The following PTPRE variants were observed in gnomAD, a reference collection of about 807,000 sequenced individuals.
The protein encoded by PTPRE is protein tyrosine phosphatase receptor type E.
A neutral mutation model predicts 102.0 loss-of-function variants in PTPRE; 51 were observed. That is an observed-to-expected ratio of 0.50 (90% CI 0.40 to 0.63). PTPRE has a LOEUF of 0.63. Ranked by LOEUF, PTPRE falls within the 30% of genes least tolerant of loss-of-function variation. The pLI, the probability that PTPRE is intolerant of heterozygous loss-of-function variation, is 0.00. For missense variants in PTPRE, 752 were observed against 915.1 expected (o/e 0.82, Z 2.30); for synonymous variants, 345 against 348.2 (o/e 0.99, Z 0.10).
chr10:127,987,435 T>C, intron 2 of PTPRE: 1 of 988,976 alleles, frequency 1.0e-6, no homozygotes, highest in African/African-American at 1.7e-5. Flanking sequence ...GTCTCTTTGG[T>C]TTTGTGTCAT....
intron 3 of PTPRE, among the ~76,000 whole-genome samples, chr10:128,045,252 C>A (rs1259435582): frequency 6.6e-6 from 1 of 152,248 alleles, no homozygotes; most frequent in Non-Finnish European, 1.5e-5. Flanking sequence ...TCAGCCCCGT[C>A]TTCTATGGAA....
At chr10:127,917,819 C>T (rs35555970) in intron 1 of PTPRE, among the ~76,000 whole-genome samples, 9,558 of 152,160 alleles carry the variant, frequency 0.063, 391 homozygotes, top group Non-Finnish European at 0.085. Flanking sequence ...CACATGAGGT[C>T]AGGAGTTCAC....
At chr10:127,979,298 G>A (rs1851429256) in intron 1 of PTPRE, among the ~76,000 whole-genome samples, 1 of 152,132 alleles carries the variant, frequency 6.6e-6, no homozygotes. Context: ...CCAACCCCCA[G>A]CTTTTAAATG....
intron 16 of PTPRE, 54 bp downstream of exon 16, chr10:128,072,268 A>G (rs1011463095): frequency 1.4e-6 from 2 of 1,420,648 alleles, no homozygotes; most frequent in African/African-American, 2.8e-5. Flanking sequence ...TTCACATGTG[A>G]CCACAGACTT....
In PTPRE at chr10:127,969,229, G is replaced by C. The variant is rs148999784; in HGVS notation, c.-30-13045G>C. Among the ~76,000 whole-genome samples the C allele has an allele frequency of 2.6e-3, 391 of 152,338 alleles. 1 individual carries two copies. The highest frequency in any genetic ancestry group is 8.3e-3 in the African/African-American group (347 of 41,560). ...CGTCTCTTTTTACTGGACATCTTATGATAAGAACGTAAATGGAAAGGGCAA... is the reference window on the plus strand; with the variant it reads ...CGTCTCTTTTTACTGGACATCTTATCATAAGAACGTAAATGGAAAGGGCAA... On this transcript the variant is annotated intron_variant, in intron 1 of 20. Coordinates refer to ENST00000254667, the MANE Select transcript of PTPRE (RefSeq NM_006504.6).
At chr10:127,920,600 C>T (rs1012534128) in intron 1 of PTPRE, among the ~76,000 whole-genome samples, 4 of 152,192 alleles carry the variant, frequency 2.6e-5, no homozygotes, top group African/African-American at 7.2e-5. Flanking sequence ...CTTCTTCTTT[C>T]GTGGACTTCC....
At chr10:127,954,009 G>T (rs1473580689) in intron 1 of PTPRE, among the ~76,000 whole-genome samples, 1 of 152,246 alleles carries the variant, frequency 6.6e-6, no homozygotes, top group Non-Finnish European at 1.5e-5. Flanking sequence ...TGGATAGACT[G>T]CTCTGAGCTG....
intron 1 of PTPRE, among the ~76,000 whole-genome samples, chr10:127,937,709 A>G (rs976880645): frequency 5.3e-5 from 8 of 150,524 alleles, no homozygotes; most frequent in Admixed American, 6.6e-5. Flanking sequence ...AAATACAAAA[A>G]TTAGATGGGC....
intron 1 of PTPRE, among the ~76,000 whole-genome samples, chr10:127,980,022 A>G (rs1188910293): frequency 6.6e-6 from 1 of 152,084 alleles, no homozygotes; most frequent in Non-Finnish European, 1.5e-5. Flanking sequence ...TCTTTTTAGC[A>G]TCTTTTCTGG....
At chr10:127,938,888 G>A (rs1378003966) in intron 1 of PTPRE, among the ~76,000 whole-genome samples, 1 of 152,076 alleles carries the variant, frequency 6.6e-6, no homozygotes, top group African/African-American at 2.4e-5. Context: ...ACAATCCCAG[G>A]GCGCTCTGCG....
At chr10:127,933,494 A>T (rs1363482763) in intron 1 of PTPRE, among the ~76,000 whole-genome samples, 3 of 152,190 alleles carry the variant, frequency 2.0e-5, no homozygotes, top group African/African-American at 4.8e-5. Flanking sequence ...CGCGTTCTGG[A>T]TGAAAATGAG....
Position 127,907,162 on chromosome 10 carries a change from A to T in PTPRE, c.-178A>T. The T allele has an allele frequency of 5.7e-6, 4 of 696,348 alleles. No homozygotes were observed. The highest frequency in any genetic ancestry group is 7.1e-6 in the Non-Finnish European group (4 of 566,680). 43.1% of individuals were successfully genotyped at this position (696,348 alleles called of 1,614,324 possible). On this transcript the variant is annotated 5_prime_UTR_variant, in exon 1 of 21. Coordinates refer to ENST00000254667, the MANE Select transcript of PTPRE (RefSeq NM_006504.6). This position sits in a 1 kb window ranked among gnomAD's most constrained non-coding sequence, Gnocchi z 4.8. ...GGCAGGAGCCGGCGCGAGCGGCTTC[A>T]GGAACCCACGGCCTCTGCGCGTCCC...
intron 1 of PTPRE, among the ~76,000 whole-genome samples, chr10:127,954,328 G>A (rs979301549): frequency 6.6e-6 from 1 of 152,204 alleles, no homozygotes; most frequent in African/African-American, 2.4e-5. Context: ...ATTCTTTGGG[G>A]TGATCTGCCA....
At chr10:128,081,299 G>A (rs997584508) in intron 20 of PTPRE, among the ~76,000 whole-genome samples, 1 of 152,198 alleles carries the variant, frequency 6.6e-6, no homozygotes, top group African/African-American at 2.4e-5. Context: ...AGCATCCTAG[G>A]TAGGCTTTGG....
In PTPRE at chr10:128,053,028, C is replaced by G. The variant is rs768855670; in HGVS notation, c.421-3095C>G. ...CTTTGAGAGGCCAAGGTGGGCAGATCATTTGAGCCCAGTAGTTCCAGACCA... is the reference window on the plus strand; with the variant it reads ...CTTTGAGAGGCCAAGGTGGGCAGATGATTTGAGCCCAGTAGTTCCAGACCA... On this transcript the variant is annotated intron_variant, in intron 6 of 20. Coordinates refer to ENST00000254667, the MANE Select transcript of PTPRE (RefSeq NM_006504.6). 6.6e-5 allele frequency among the ~76,000 whole-genome samples: 10 copies of G among 152,312 alleles called. No homozygotes were observed. In the South Asian group the frequency reaches 1.0e-3, roughly 16 times the overall value.
chr10:128,072,028 C>T lies in PTPRE; in HGVS notation c.1388-110C>T, dbSNP rs552001122. ...TAAACTTTCCAAAGAGTTGGCTTTA[C>T]GTAGTGATTTTATTAATAGGATCTA... On this transcript the variant is annotated intron_variant, in intron 15 of 20. Coordinates refer to ENST00000254667, the MANE Select transcript of PTPRE (RefSeq NM_006504.6). 8 of 777,888 alleles carry T rather than the reference C, an allele frequency of 1.0e-5. No homozygotes were observed. In the East Asian group the frequency reaches 1.1e-4, roughly 11 times the overall value. 48.2% of individuals were successfully genotyped at this position (777,888 alleles called of 1,614,324 possible).
At chr10:128,054,305 A>G (rs911518193) in intron 6 of PTPRE, among the ~76,000 whole-genome samples, 1 of 152,172 alleles carries the variant, frequency 6.6e-6, no homozygotes, top group Non-Finnish European at 1.5e-5. Context: ...ACGAATGCAC[A>G]GTATCATGTA....
chr10:128,071,323 G>A, intron 15 of PTPRE: 1 of 210,356 alleles, frequency 4.8e-6, no homozygotes. Flanking sequence ...GGCCATGCAG[G>A]TGAACTCAGC....
At chr10:127,924,455 A>T (rs973180424) in intron 1 of PTPRE, among the ~76,000 whole-genome samples, 8 of 152,240 alleles carry the variant, frequency 5.3e-5, no homozygotes, top group Admixed American at 3.9e-4. Flanking sequence ...CAAATTCCTG[A>T]TCTCAAGATC....
Sources: gnomAD v4.1 joint callset for allele counts (sites outside exome capture counted in the v4.1 genomes callset) on GRCh38, gnomAD v4.1.1 for gene constraint, Gnocchi (gnomAD v3.1) non-coding constraint, MANE v1.5 for transcripts, NCBI Gene and HGNC (gene_info 2026-07-23, HGNC 2026-07-21) for gene names.